The following EPM2A variants were observed in gnomAD, a reference collection of about 807,000 sequenced individuals.
EPM2A encodes EPM2A glucan phosphatase, laforin, also known as laforin.
EPM2A carries 21 observed loss-of-function variants against 26.5 expected under a neutral mutation model. That is an observed-to-expected ratio of 0.79 (90% CI 0.56 to 1.14). The LOEUF (loss-of-function observed/expected upper bound fraction) is 1.14, where lower values mean the gene tolerates loss of function less well. EPM2A is among the 50% of genes most tolerant of loss of function. EPM2A has a pLI of 0.00. For synonymous variants in EPM2A, 217 were observed against 177.6 expected (o/e 1.22, Z -1.76); for missense variants, 458 against 440.8 (o/e 1.04, Z -0.35).
intron 2 of EPM2A, chr6:145,641,199 T>C (rs1332969125): frequency 2.0e-5 from 3 of 152,204 alleles, no homozygotes; most frequent in Non-Finnish European, 2.9e-5. Context: ...CAAACTCCTA[T>C]GTTAAAGTCC....
chr6:145,456,775 C>A (rs1192703502), intron 4 of EPM2A, among the ~76,000 whole-genome samples: 1 of 152,068 alleles, frequency 6.6e-6, no homozygotes, highest in African/African-American at 2.4e-5. Flanking sequence ...AAAACAAGAG[C>A]AAATAAATAT....
At chr6:145,621,043 G>A (rs1041870691), downstream of EPM2A, among the ~76,000 whole-genome samples, 6 of 152,040 alleles carry the variant, frequency 3.9e-5, no homozygotes, top group African/African-American at 1.4e-4. Flanking sequence ...AGGTCTCCAG[G>A]ACTTATTCAT....
At chr6:145,691,984 C>A (rs1440122654) in intron 1 of EPM2A, among the ~76,000 whole-genome samples, 1 of 151,820 alleles carries the variant, frequency 6.6e-6, no homozygotes, top group Non-Finnish European at 1.5e-5. Context: ...TGTCTAGAAG[C>A]AATTCACTTC....
chr6:145,476,831 T>G (rs1779549186), intron 4 of EPM2A, among the ~76,000 whole-genome samples: 1 of 151,804 alleles, frequency 6.6e-6, no homozygotes, highest in African/African-American at 2.4e-5. Context: ...CAGCTATAAG[T>G]GCCTACATCA....
chr6:145,588,540 G>A (rs1352034646), intron 2 of EPM2A, among the ~76,000 whole-genome samples: 2 of 152,120 alleles, frequency 1.3e-5, no homozygotes, highest in Non-Finnish European at 1.5e-5. Context: ...GTTAAAGTAT[G>A]AAAGTTTAGA....
At chr6:145,733,103 A>G (rs575341221) in intron 1 of EPM2A, among the ~76,000 whole-genome samples, 1 of 152,354 alleles carries the variant, frequency 6.6e-6, no homozygotes, top group East Asian at 1.9e-4. Context: ...ATTAGAAAAT[A>G]GAATATAAAT....
intron 2 of EPM2A, among the ~76,000 whole-genome samples, chr6:145,550,921 G>T (rs1199951467): frequency 6.6e-6 from 1 of 151,970 alleles, no homozygotes; most frequent in Non-Finnish European, 1.5e-5. Context: ...GGTATTAGTA[G>T]TTTCGTTTGG....
chr6:145,385,664 G>C (rs890927151), intron 4 of EPM2A, among the ~76,000 whole-genome samples: 1 of 151,932 alleles, frequency 6.6e-6, no homozygotes, highest in African/African-American at 2.4e-5. Context: ...CCAAGGTGAC[G>C]GTGTTTCTGT....
intron 2 of EPM2A, among the ~76,000 whole-genome samples, chr6:145,511,498 G>A (rs538535227): frequency 3.3e-5 from 5 of 152,208 alleles, no homozygotes; most frequent in East Asian, 1.9e-4. Flanking sequence ...GATGAATTAC[G>A]AAACGATATG....
intron 4 of EPM2A, among the ~76,000 whole-genome samples, chr6:145,455,610 G>C (rs909730975): frequency 1.1e-4 from 16 of 152,074 alleles, no homozygotes; most frequent in Non-Finnish European, 2.1e-4. Flanking sequence ...CACCCGCCTC[G>C]GCATCCAAAG....
At chr6:145,396,751 T>C (rs943273717) in intron 4 of EPM2A, among the ~76,000 whole-genome samples, 2 of 152,206 alleles carry the variant, frequency 1.3e-5, no homozygotes, top group African/African-American at 2.4e-5. Context: ...TGCCACCCCA[T>C]GGATGTAAAT....
chr6:145,662,182 T>A (rs1272337523), intron 2 of EPM2A, among the ~76,000 whole-genome samples: 1 of 152,192 alleles, frequency 6.6e-6, no homozygotes, highest in Non-Finnish European at 1.5e-5. Flanking sequence ...TCTCTCTCTT[T>A]CTAATTTGTG....
intron 1 of EPM2A, among the ~76,000 whole-genome samples, chr6:145,718,663 A>G (rs540522810): frequency 1.3e-5 from 2 of 152,348 alleles, no homozygotes; most frequent in East Asian, 3.9e-4. Flanking sequence ...AAAAGAAACT[A>G]CCATCAGAGT....
At chr6:145,411,354 G>T (rs2114675285) in intron 4 of EPM2A, among the ~76,000 whole-genome samples, 1 of 152,246 alleles carries the variant, frequency 6.6e-6, no homozygotes, top group African/African-American at 2.4e-5. Flanking sequence ...CTGGCATAAT[G>T]ACTTGATTGA....
intron 2 of EPM2A, among the ~76,000 whole-genome samples, chr6:145,666,790 A>T (rs1365317220): frequency 6.6e-6 from 1 of 150,964 alleles, no homozygotes. Context: ...TAACCAAAAC[A>T]GCATGGTACT....
intron 4 of EPM2A, among the ~76,000 whole-genome samples, chr6:145,409,157 C>T (rs1391490759): frequency 6.6e-6 from 1 of 152,024 alleles, no homozygotes; most frequent in Non-Finnish European, 1.5e-5. Context: ...CTTTAAAGAA[C>T]TTGATAGGAA....
chr6:145,650,871 G>C (rs1006821366), intron 2 of EPM2A, among the ~76,000 whole-genome samples: 1 of 152,142 alleles, frequency 6.6e-6, no homozygotes. Context: ...CACTGTGCTA[G>C]ATAATTGTTT....
intron 4 of EPM2A, among the ~76,000 whole-genome samples, chr6:145,474,747 T>C (rs1291118508): frequency 6.6e-6 from 1 of 152,032 alleles, no homozygotes; most frequent in Non-Finnish European, 1.5e-5. Context: ...ATCCAGAATC[T>C]ACAAAGAACT....
intron 2 of EPM2A, among the ~76,000 whole-genome samples, chr6:145,677,323 A>C (rs968906328): frequency 6.6e-6 from 1 of 152,218 alleles, no homozygotes; most frequent in Non-Finnish European, 1.5e-5. Flanking sequence ...CACAGCCAAT[A>C]TTATACTGAA....
Sources: allele counts gnomAD v4.1 joint callset (sites outside exome capture counted in the v4.1 genomes callset), GRCh38; gene constraint gnomAD v4.1.1; transcripts MANE v1.5; gene names NCBI Gene and HGNC (gene_info 2026-07-23, HGNC 2026-07-21).